Variants in LRGUK observed in about 807,000 individuals in gnomAD.
LRGUK encodes the protein leucine rich repeats and guanylate kinase domain containing, also known as leucine-rich repeat and guanylate kinase domain-containing protein.
LRGUK carries 65 observed loss-of-function variants against 76.0 expected under a neutral mutation model. The observed-to-expected ratio is 0.85, with a 90% CI of 0.70 to 1.05. LRGUK has a LOEUF of 1.05. Ranked by LOEUF, LRGUK falls within the 50% of genes least tolerant of loss-of-function variation. LRGUK has a pLI of 0.00. For synonymous variants in LRGUK, 268 were observed against 265.6 expected (o/e 1.01, Z -0.09); for missense variants, 758 against 732.8 (o/e 1.03, Z -0.40).
exon 2 of LRGUK, chr7:134,137,077 T>C: frequency 1.9e-6 from 3 of 1,613,608 alleles, no homozygotes; most frequent in Non-Finnish European, 2.5e-6. Flanking sequence ...ACTCCATCAC[T>C]TGGGGCGCTC....
intron 1 of LRGUK, among the ~76,000 whole-genome samples, chr7:134,133,700 G>A (rs1797404426): frequency 6.6e-6 from 1 of 151,932 alleles, no homozygotes. Flanking sequence ...ATTCTGATTT[G>A]TATATGGATG....
chr7:134,180,483 G>A (rs1046429058), intron 10 of LRGUK, among the ~76,000 whole-genome samples: 2 of 151,976 alleles, frequency 1.3e-5, no homozygotes, highest in Admixed American at 1.3e-4. Context: ...CTACAGTTAA[G>A]CTTTTACTCA....
chr7:134,272,652 T>A, the LRGUK span, among the ~76,000 whole-genome samples: 1 of 152,204 alleles, frequency 6.6e-6, no homozygotes, highest in Non-Finnish European at 1.5e-5. Flanking sequence ...TAAGCCCTTA[T>A]GAGTTGAATA....
At chr7:134,225,149 A>C (rs73724455) in intron 16 of LRGUK, among the ~76,000 whole-genome samples, 1,559 of 140,934 alleles carry the variant, frequency 0.011, 42 homozygotes, top group African/African-American at 0.042. Flanking sequence ...AAAAAAAAAA[A>C]CCCACTCTGT....
At chr7:134,218,183 G>A (rs368838107) in intron 15 of LRGUK, among the ~76,000 whole-genome samples, 2 of 152,250 alleles carry the variant, frequency 1.3e-5, no homozygotes, top group African/African-American at 4.8e-5. Flanking sequence ...GGCTGGTCTC[G>A]AACTCCTGAC....
intron 16 of LRGUK, among the ~76,000 whole-genome samples, chr7:134,243,152 G>T (rs1033258711): frequency 1.3e-5 from 2 of 152,176 alleles, no homozygotes; most frequent in African/African-American, 4.8e-5. Context: ...ATAAGACAGG[G>T]ATGCCCTCTC....
chr7:134,178,461 A>T, intron 9 of LRGUK, 42 bp from the exon 10 acceptor site: 1 of 1,498,518 alleles, frequency 6.7e-7, no homozygotes, highest in Non-Finnish European at 9.2e-7. Context: ...CTTTTTAGAA[A>T]CAAAACTTTT....
At chr7:134,127,614 G>C (rs1363025306) in exon 1 of LRGUK, 1 of 1,614,174 alleles carries the variant, frequency 6.2e-7, no homozygotes, top group Non-Finnish European at 8.5e-7. Flanking sequence ...CCAGGGCGAG[G>C]GCGAGGCGGG....
At chr7:134,142,445 C>T (rs904678405) in intron 3 of LRGUK, among the ~76,000 whole-genome samples, 3 of 152,142 alleles carry the variant, frequency 2.0e-5, no homozygotes, top group Admixed American at 6.5e-5. Context: ...ACTTAGTGTT[C>T]AAGATTCAAA....
At chr7:134,174,249 G>A (rs888757487) in intron 7 of LRGUK, among the ~76,000 whole-genome samples, 1 of 152,072 alleles carries the variant, frequency 6.6e-6, no homozygotes, top group African/African-American at 2.4e-5. Flanking sequence ...TTTTTGTACT[G>A]TTTTTCTGAC....
intron 15 of LRGUK, among the ~76,000 whole-genome samples, chr7:134,205,402 C>A (rs1401514018): frequency 6.6e-6 from 1 of 152,140 alleles, no homozygotes; most frequent in Non-Finnish European, 1.5e-5. Flanking sequence ...ACCCAGAGTC[C>A]CAGCAGAGTC....
At chr7:134,189,059 G>C (rs1204981937) in intron 11 of LRGUK, among the ~76,000 whole-genome samples, 1 of 152,046 alleles carries the variant, frequency 6.6e-6, no homozygotes, top group African/African-American at 2.4e-5. Flanking sequence ...TGTGAACTTG[G>C]TTTGGTAGTA....
rs551979005 is a variant in LRGUK at position 134,128,291 on chromosome 7, G to A, written c.297+627G>A. ...CATTGTGGGAATATTTTAGGATGTG[G>A]GGAATGTTCCCATCATCCCACCCAT... On this transcript the variant is annotated intron_variant, in intron 1 of 15. Coordinates refer to ENST00000645682, the Ensembl canonical transcript of LRGUK. 6.7e-4 allele frequency among the ~76,000 whole-genome samples: 102 copies of A among 152,254 alleles called. 1 individual carries two copies. The highest frequency in any genetic ancestry group is 6.8e-3 in the Middle Eastern group (2 of 294).
rs368555761 is a variant in LRGUK at position 134,183,766 on chromosome 7, T to G, written c.1247T>G (p.Met416Arg). The change falls in exon 11 of 16, where the codon ATG becomes AGG. Residue 416 changes from methionine to arginine, a missense_variant. Transcript: ENST00000645682. ...CCCAGCCTGGATGCCCCTTATCCCA[T>G]GCTGATACTAGCTGGTCCTGAAGCT... 2.0e-5 allele frequency: 33 copies of G among 1,613,906 alleles called. No individual in the cohort carries two copies. The highest frequency in any genetic ancestry group is 2.7e-5 in the Non-Finnish European group (32 of 1,179,894).
intron 5 of LRGUK, among the ~76,000 whole-genome samples, chr7:134,156,114 T>C (rs999077596): frequency 7.9e-5 from 12 of 152,234 alleles, no homozygotes; most frequent in African/African-American, 2.9e-4. Flanking sequence ...AACCTTTTAC[T>C]TTAAAGTGTT....
Position 134,224,114 on chromosome 7 carries a change from G to T in LRGUK, c.1983+2196G>T, listed in dbSNP as rs545625026. ...TGCCCTTGGTATTCCAGCCTTCTTG[G>T]ATGGTGTGGCTTGATGCTTCTTGGA... On this transcript the variant is annotated intron_variant, in intron 16 of 19. Coordinates refer to the LRGUK transcript ENST00000285928. Among the ~76,000 whole-genome samples the T allele has an allele frequency of 1.4e-4, 21 of 152,332 alleles. No homozygotes were observed. The East Asian group carries it at 4.0e-3, about 29-fold the overall frequency.
intron 16 of LRGUK, among the ~76,000 whole-genome samples, chr7:134,239,506 G>A (rs1378571510): frequency 6.6e-6 from 1 of 152,238 alleles, no homozygotes; most frequent in Non-Finnish European, 1.5e-5. Flanking sequence ...TGGGGGAGGG[G>A]CATCCGCCAT....
At chr7:134,151,835 C>T (rs2116884943) in intron 5 of LRGUK, among the ~76,000 whole-genome samples, 1 of 152,120 alleles carries the variant, frequency 6.6e-6, no homozygotes, top group East Asian at 1.9e-4. Flanking sequence ...TTAATAAAAT[C>T]CAGCTCTCAT....
chr7:134,153,832 G>A (rs1463026772), intron 5 of LRGUK, among the ~76,000 whole-genome samples: 1 of 152,154 alleles, frequency 6.6e-6, no homozygotes, highest in African/African-American at 2.4e-5. Flanking sequence ...TTTGATTAAA[G>A]CCATCATTGC....
Sources: gnomAD v4.1 joint callset for allele counts (sites outside exome capture counted in the v4.1 genomes callset) on GRCh38, gnomAD v4.1.1 for gene constraint, MANE v1.5 for transcripts, NCBI Gene and HGNC (gene_info 2026-07-23, HGNC 2026-07-21) for gene names.